GATB: variants seen among roughly 807,000 people sequenced by gnomAD.
GATB encodes the protein glutamyl-tRNA(Gln) amidotransferase subunit B, mitochondrial.
In GATB, 39 loss-of-function variants were observed where a neutral mutation model predicts 62.3. That is an observed-to-expected ratio of 0.63 (90% CI 0.48 to 0.82). GATB has a LOEUF of 0.82. GATB is among the 40% of genes least tolerant of loss of function. GATB has a pLI of 0.00. For missense variants in GATB, 670 were observed against 684.0 expected, an observed-to-expected ratio of 0.98 and a Z score of 0.23; for synonymous variants, 276 against 258.9, an observed-to-expected ratio of 1.07 and a Z score of -0.63.
chr4:151,754,186 A>G (rs1011391996), intron 2 of GATB, among the ~76,000 whole-genome samples: 12 of 152,184 alleles, frequency 7.9e-5, no homozygotes, highest in Non-Finnish European at 1.8e-4. Flanking sequence ...CTTATATGGT[A>G]CAGGCTATGC....
In GATB at chr4:151,747,080, A is replaced by G. The variant is rs6818866; in HGVS notation, c.327+11692T>C. On this transcript the variant is annotated intron_variant, in intron 2 of 12. Transcript: ENST00000263985. Reference sequence around the variant, plus strand: ...CAGGTAGGGTTGTTATGAGGTTAGAATAAGTGAATACATATAAAGCACCTA... The same window carrying G: ...CAGGTAGGGTTGTTATGAGGTTAGAGTAAGTGAATACATATAAAGCACCTA... Among the ~76,000 whole-genome samples the G allele has an allele frequency of 8.3e-3, 1,257 of 152,320 alleles. 11 individuals are homozygous for G. The highest frequency in any genetic ancestry group is 0.04 in the South Asian group (195 of 4,818).
intron 2 of GATB, among the ~76,000 whole-genome samples, chr4:151,756,597 T>C (rs1237827434): frequency 6.6e-6 from 1 of 152,224 alleles, no homozygotes; most frequent in Non-Finnish European, 1.5e-5. Context: ...AAACAAATCC[T>C]AGCTCATACA....
At chr4:151,705,101 G>C in intron 7 of GATB, 84 bp downstream of exon 7, 2 of 883,188 alleles carry the variant, frequency 2.3e-6, no homozygotes, top group East Asian at 4.9e-5. Flanking sequence ...CCTCCTTCAA[G>C]GTCACATGGC....
chr4:151,752,314 G>T lies in GATB; in HGVS notation c.327+6458C>A, dbSNP rs182941326. Among the ~76,000 whole-genome samples the T allele has an allele frequency of 2.6e-5, 4 of 152,198 alleles. No homozygotes were observed. In the East Asian group the frequency reaches 7.7e-4, roughly 29 times the overall value. On this transcript the variant is annotated intron_variant, in intron 2 of 12. Transcript: ENST00000263985. ...TTTTATTCCTCAGGCTGGGTAGTTG[G>T]CAGGCCCTTTCCATTTAGAGATATA...
At chr4:151,714,397 A>G (rs530185214) in intron 5 of GATB, among the ~76,000 whole-genome samples, 100 of 152,366 alleles carry the variant, frequency 6.6e-4, no homozygotes, top group Middle Eastern at 6.8e-3. Flanking sequence ...GGCTGATAAA[A>G]TGCTCACAGC....
chr4:151,758,909 C>T lies in GATB; in HGVS notation c.190G>A (p.Ala64Thr). The change falls in exon 2 of 13, where the codon GCT (alanine) becomes ACT (threonine). Residue 64 changes from alanine (A) to threonine (T), a missense_variant. Transcript: ENST00000263985. ...TGAATTTCCAAACCTACCACAGCAG[C>T]CCATTTGTGTTCACTAAGAAGAAAG... ...QKTRKGEHKW[A>T]AVVGLEIHAQ... 6.2e-7 allele frequency: 1 copy of T among 1,604,570 alleles called. No homozygotes were observed. The highest frequency in any genetic ancestry group is 8.5e-7 in the Non-Finnish European group (1 of 1,175,726).
intron 2 of GATB, among the ~76,000 whole-genome samples, chr4:151,732,252 T>C (rs1272665961): frequency 3.9e-5 from 6 of 152,142 alleles, no homozygotes; most frequent in African/African-American, 1.4e-4. Context: ...TGGGCCATGA[T>C]GACGATGGCG....
intron 2 of GATB, chr4:151,719,847 G>A (rs1738993138): frequency 2.3e-5 from 6 of 256,404 alleles, no homozygotes; most frequent in Non-Finnish European, 4.4e-5. Context: ...TTAGCGGAGT[G>A]GTTACTACAT....
chr4:151,676,159 C>G (rs989092962), intron 11 of GATB: 1 of 152,152 alleles, frequency 6.6e-6, no homozygotes, highest in African/African-American at 2.4e-5. Context: ...AAGCGGGGCC[C>G]AGTAAACTGT....
At chr4:151,747,844 T>G (rs1739632988) in intron 2 of GATB, among the ~76,000 whole-genome samples, 1 of 151,980 alleles carries the variant, frequency 6.6e-6, no homozygotes, top group South Asian at 2.1e-4. Flanking sequence ...ACTAAGAGAG[T>G]TCATCACCCA....
intron 2 of GATB, among the ~76,000 whole-genome samples, chr4:151,743,184 A>T (rs1739528727): frequency 6.6e-6 from 1 of 152,038 alleles, no homozygotes; most frequent in Non-Finnish European, 1.5e-5. Flanking sequence ...CGCTATTTGC[A>T]TCGTGATCAA....
chr4:151,735,157 G>A (rs1739343781), intron 2 of GATB, among the ~76,000 whole-genome samples: 1 of 151,420 alleles, frequency 6.6e-6, no homozygotes, highest in African/African-American at 2.4e-5. Context: ...CCACAAAGTG[G>A]GAGAAAATCT....
At chr4:151,732,665 T>C (rs1299849044) in intron 2 of GATB, among the ~76,000 whole-genome samples, 1 of 148,786 alleles carries the variant, frequency 6.7e-6, no homozygotes, top group South Asian at 2.1e-4. Flanking sequence ...ACTATTGTCC[T>C]ATGACCCTGC....
At chr4:151,751,854 C>T (rs1041254246) in intron 2 of GATB, among the ~76,000 whole-genome samples, 5 of 152,284 alleles carry the variant, frequency 3.3e-5, no homozygotes, top group African/African-American at 9.6e-5. Flanking sequence ...CCACACAAAT[C>T]AGATACCTGT....
intron 3 of GATB, chr4:151,717,420 A>G: frequency 7.3e-6 from 2 of 273,268 alleles, no homozygotes; most frequent in Admixed American, 1.0e-4. Context: ...TATTGTTTCC[A>G]TCCAGCTCAT....
At chr4:151,673,426 A>C (rs1409248336) in intron 11 of GATB, 1 of 152,552 alleles carries the variant, frequency 6.6e-6, no homozygotes, top group Admixed American at 6.5e-5. Context: ...TACTAAATAA[A>C]GTCCAGAAAC....
At chr4:151,708,588 G>T (rs1245046215) in intron 5 of GATB, among the ~76,000 whole-genome samples, 1 of 152,164 alleles carries the variant, frequency 6.6e-6, no homozygotes, top group Non-Finnish European at 1.5e-5. Flanking sequence ...ATTTAGAGGA[G>T]AGTCCTTGAG....
At chr4:151,732,088 G>A (rs1324808483) in intron 2 of GATB, among the ~76,000 whole-genome samples, 11 of 138,026 alleles carry the variant, frequency 8.0e-5, no homozygotes, top group African/African-American at 2.2e-4. Context: ...CAGCCGCCCC[G>A]TCCGGGAGGG....
chr4:151,716,280 T>A, intron 4 of GATB, 149 bp from the exon 5 acceptor site: 35 of 516,028 alleles, frequency 6.8e-5, no homozygotes, highest in East Asian at 2.1e-4. Context: ...CTCCCACCTT[T>A]TTTTTTTTTT....
Sources: allele counts gnomAD v4.1 joint callset (sites outside exome capture counted in the v4.1 genomes callset), GRCh38; gene constraint gnomAD v4.1.1; transcripts MANE v1.5; gene names NCBI Gene and HGNC (gene_info 2026-07-23, HGNC 2026-07-21).